Variants in HS6ST3 observed in about 807,000 individuals in gnomAD.
HS6ST3 encodes heparan-sulfate 6-O-sulfotransferase 3.
A neutral mutation model predicts 36.7 loss-of-function variants in HS6ST3; 12 were observed. That is an observed-to-expected ratio of 0.33 (90% CI 0.21 to 0.53). The LOEUF is 0.53. Ranked by LOEUF, HS6ST3 falls within the 20% of genes least tolerant of loss-of-function variation. The pLI is 0.95. For synonymous variants in HS6ST3, 240 were observed against 257.5 expected, an observed-to-expected ratio of 0.93 and a Z score of 0.65; for missense variants, 584 against 640.9, an observed-to-expected ratio of 0.91 and a Z score of 0.96.
chr13:96,770,428 GTTC>G (rs1450643792), intron 1 of HS6ST3, among the ~76,000 whole-genome samples: 1 of 152,030 alleles, frequency 6.6e-6, no homozygotes, highest in Non-Finnish European at 1.5e-5. Context: ...ACACTTTCAT[GTTC>G]TTCTTACATG....
chr13:96,680,769 A>G lies in HS6ST3; in HGVS notation c.708-151721A>G, dbSNP rs564980976. On this transcript the variant is annotated intron_variant, in intron 1 of 1. Transcript: ENST00000376705. ...GACACATTTTTCTTCCCACTTCAGG[A>G]ATATTTAAATTTCCAGGAAATTATA... is the stretch of plus-strand genomic sequence containing the variant. 5.9e-5 allele frequency among the ~76,000 whole-genome samples: 9 copies of G among 152,288 alleles called. No homozygotes were observed. The South Asian group carries it at 1.7e-3, about 28-fold the overall frequency.
intron 1 of HS6ST3, among the ~76,000 whole-genome samples, chr13:96,317,543 G>A (rs890704323): frequency 6.6e-5 from 10 of 151,202 alleles, no homozygotes; most frequent in African/African-American, 1.9e-4. Context: ...TGCCTTTTTG[G>A]TGTAATGATC....
chr13:96,672,379 A>C (rs2138431959), intron 1 of HS6ST3, among the ~76,000 whole-genome samples: 1 of 152,210 alleles, frequency 6.6e-6, no homozygotes, highest in Middle Eastern at 3.4e-3. Flanking sequence ...TCATCCCCAA[A>C]CATTCTCCCA....
In HS6ST3 at chr13:96,697,371, T is replaced by C. The variant is rs72645506; in HGVS notation, c.708-135119T>C. 4.0e-3 allele frequency among the ~76,000 whole-genome samples: 615 copies of C among 151,990 alleles called. 6 individuals carry two copies. The highest frequency in any genetic ancestry group is 0.01 in the Middle Eastern group (3 of 294). On this transcript the variant is annotated intron_variant, in intron 1 of 1. Coordinates refer to ENST00000376705, the MANE Select transcript of HS6ST3 (RefSeq NM_153456.4). ...TAGATATTAGGACCAATCCATGTAC[T>C]CTAACATATGGCAAGTAAAAGTTTC...
intron 1 of HS6ST3, among the ~76,000 whole-genome samples, chr13:96,453,897 A>G (rs920694129): frequency 2.0e-5 from 3 of 152,030 alleles, no homozygotes; most frequent in Admixed American, 6.6e-5. Context: ...TTGATATGGA[A>G]AAGGGTTTCT....
At chr13:96,797,923 A>C (rs1877952859) in intron 1 of HS6ST3, among the ~76,000 whole-genome samples, 1 of 151,964 alleles carries the variant, frequency 6.6e-6, no homozygotes, top group African/African-American at 2.4e-5. Flanking sequence ...AGTCCCCAAG[A>C]CTACCCACTA....
chr13:96,632,512 T>G (rs2056535615), intron 1 of HS6ST3, among the ~76,000 whole-genome samples: 1 of 152,184 alleles, frequency 6.6e-6, no homozygotes, highest in Non-Finnish European at 1.5e-5. Context: ...AAAACATTGT[T>G]TGCTTTCTGC....
At chr13:96,774,265 C>A (rs1017402875) in intron 1 of HS6ST3, among the ~76,000 whole-genome samples, 2 of 152,090 alleles carry the variant, frequency 1.3e-5, no homozygotes, top group Non-Finnish European at 2.9e-5. Flanking sequence ...AACCAAAATG[C>A]CTCTTCTCCT....
intron 1 of HS6ST3, among the ~76,000 whole-genome samples, chr13:96,594,616 C>T (rs1237621275): frequency 6.6e-6 from 1 of 152,118 alleles, no homozygotes; most frequent in African/African-American, 2.4e-5. Flanking sequence ...GCTTTTACAC[C>T]ACTCCCTTTT....
chr13:96,623,816 C>T (rs1285103584), intron 1 of HS6ST3, among the ~76,000 whole-genome samples: 1 of 152,146 alleles, frequency 6.6e-6, no homozygotes, highest in Non-Finnish European at 1.5e-5. Flanking sequence ...GCCAAGAAAG[C>T]AGGGCTAATG....
chr13:96,526,772 A>G (rs2056116086), intron 1 of HS6ST3, among the ~76,000 whole-genome samples: 1 of 152,178 alleles, frequency 6.6e-6, no homozygotes, highest in African/African-American at 2.4e-5. Context: ...GCTGTGATCT[A>G]GTTTCTTCCC....
intron 1 of HS6ST3, among the ~76,000 whole-genome samples, chr13:96,258,372 C>T (rs1466323558): frequency 2.0e-5 from 3 of 152,072 alleles, no homozygotes; most frequent in Admixed American, 2.0e-4. Context: ...ACAACAACAA[C>T]AACAAAAACC....
intron 1 of HS6ST3, among the ~76,000 whole-genome samples, chr13:96,526,079 C>T (rs1566387143): frequency 1.3e-5 from 2 of 152,116 alleles, no homozygotes; most frequent in Non-Finnish European, 2.9e-5. Flanking sequence ...AAAGAGAAGA[C>T]ATATAGTCTG....
rs1314100756 is a variant in HS6ST3, at chr13:96,090,308, C to A, written c.-555C>A. ...GCCGTCAGCCCTCGCGGCTCCACAG[C>A]CCCGCGACCTGCCGGCAAAGGCGCC... On this transcript the variant is annotated 5_prime_UTR_variant, in exon 1 of 2. Transcript: ENST00000376705. 6.7e-6 allele frequency among the ~76,000 whole-genome samples: 1 copy of A among 149,340 alleles called. No individual in the cohort carries two copies. Among genetic ancestry groups the A allele is most frequent in the Non-Finnish European group, 1.5e-5 (1 of 67,120 alleles).
rs1875682696 is a variant in HS6ST3, at chr13:96,715,881, T to G, written c.708-116609T>G. Among the ~76,000 whole-genome samples, 3 of 152,136 alleles carry G rather than the reference T, an allele frequency of 2.0e-5. No individual in the cohort carries two copies. The South Asian group carries it at 6.2e-4, about 32-fold the overall frequency. ...AATTATAGATAGTATTTATTGCTGC[T>G]CTCCTGGAGACACTTTACTGTTTTC... On this transcript the variant is annotated intron_variant, in intron 1 of 1. Transcript: ENST00000376705.
At position 96,416,904 on chromosome 13, in the gene HS6ST3, C is replaced by T. The variant is rs1326434252; in HGVS notation, c.707+325335C>T. Among the ~76,000 whole-genome samples, 5 of 152,202 alleles carry T rather than the reference C, an allele frequency of 3.3e-5. No homozygotes were observed. In the East Asian group the frequency reaches 9.7e-4, roughly 29 times the overall value. The stretch of plus-strand genomic sequence containing the variant: ...AGTAGCTGGGACTACAGGTGCCTGC[C>T]ACCATGCCCGGCTAATTTTTTGTAT... On this transcript the variant is annotated intron_variant, in intron 1 of 1. Transcript: ENST00000376705.
chr13:96,440,868 C>T (rs1409134247), intron 1 of HS6ST3, among the ~76,000 whole-genome samples: 1 of 152,150 alleles, frequency 6.6e-6, no homozygotes, highest in Non-Finnish European at 1.5e-5. Context: ...TTTTCTCCAG[C>T]ATTTATTGCT....
intron 1 of HS6ST3, among the ~76,000 whole-genome samples, chr13:96,385,483 G>A (rs1409911105): frequency 1.3e-5 from 2 of 152,220 alleles, no homozygotes; most frequent in East Asian, 1.9e-4. Flanking sequence ...AGGTAGATAA[G>A]TCCCTCACTG....
At chr13:96,246,553 T>G (rs1594730159) in intron 1 of HS6ST3, among the ~76,000 whole-genome samples, 1 of 152,200 alleles carries the variant, frequency 6.6e-6, no homozygotes, top group African/African-American at 2.4e-5. Flanking sequence ...TTAAGGCAGA[T>G]ACTTCAAAAA....
Sources: gnomAD v4.1 joint callset for allele counts (sites outside exome capture counted in the v4.1 genomes callset) on GRCh38, gnomAD v4.1.1 for gene constraint, MANE v1.5 for transcripts, NCBI Gene and HGNC (gene_info 2026-07-23, HGNC 2026-07-21) for gene names.